The following PCDHA8 variants were observed in gnomAD, a reference collection of about 807,000 sequenced individuals.
PCDHA8 encodes the protein protocadherin alpha-8.
PCDHA8 carries 53 observed loss-of-function variants against 61.8 expected under a neutral mutation model. That is an observed-to-expected ratio of 0.86 (90% confidence interval 0.69 to 1.08). The LOEUF (loss-of-function observed/expected upper bound fraction) is 1.08, where lower values mean the gene tolerates loss of function less well. PCDHA8 is among the 50% of genes least tolerant of loss of function. The pLI is 0.00. For missense variants in PCDHA8, 1,293 were observed against 1,245.0 expected, an observed-to-expected ratio of 1.04 and a Z score of -0.58; for synonymous variants, 618 against 556.6, an observed-to-expected ratio of 1.11 and a Z score of -1.55.
intron 1 of PCDHA8, among the ~76,000 whole-genome samples, chr5:140,904,491 T>G (rs2071172626): frequency 6.6e-6 from 1 of 151,972 alleles, no homozygotes; most frequent in Non-Finnish European, 1.5e-5. Context: ...TGATTCCAAA[T>G]TTTTACAATT....
At chr5:140,918,982 G>C (rs1554198889) in intron 1 of PCDHA8, among the ~76,000 whole-genome samples, 1 of 152,188 alleles carries the variant, frequency 6.6e-6, no homozygotes, top group Non-Finnish European at 1.5e-5. Flanking sequence ...AGGTTAGTTG[G>C]TTTTTAGTGT....
chr5:140,881,909 G>T (rs941994896), intron 1 of PCDHA8: 6 of 230,500 alleles, frequency 2.6e-5, no homozygotes, highest in Non-Finnish European at 5.1e-5. Context: ...AATATAAAAT[G>T]TTGAGCAGAA....
At chr5:141,000,900 G>T (rs1020896392) in intron 3 of PCDHA8, among the ~76,000 whole-genome samples, 4 of 151,614 alleles carry the variant, frequency 2.6e-5, no homozygotes, top group African/African-American at 9.7e-5. Context: ...AGATATAGAC[G>T]CTGTCTCTAA....
chr5:140,930,092 A>G (rs1554207604), intron 1 of PCDHA8: 1 of 152,204 alleles, frequency 6.6e-6, no homozygotes, highest in East Asian at 1.9e-4. Context: ...ACATCTATTT[A>G]TACTGATAGG....
chr5:141,001,567 T>A (rs116015618), intron 3 of PCDHA8, among the ~76,000 whole-genome samples: 2 of 152,294 alleles, frequency 1.3e-5, no homozygotes, highest in African/African-American at 4.8e-5. Context: ...ACGATTCTCC[T>A]GTGTTTTGTG....
At chr5:141,006,105 GT>G (rs79904017) in intron 3 of PCDHA8, among the ~76,000 whole-genome samples, 172 of 143,342 alleles carry the variant, frequency 1.2e-3, no homozygotes, top group East Asian at 2.0e-3. Context: ...ATGGTAAGGA[GT>G]TTTTTTTTTT....
At chr5:140,994,733 C>G (rs2097647887) in intron 3 of PCDHA8, among the ~76,000 whole-genome samples, 1 of 152,034 alleles carries the variant, frequency 6.6e-6, no homozygotes, top group Non-Finnish European at 1.5e-5. Context: ...CTGGGTATTG[C>G]AGGATGGCAA....
chr5:140,869,432 T>C (rs1562628312), intron 1 of PCDHA8: 3 of 1,614,192 alleles, frequency 1.9e-6, no homozygotes, highest in Non-Finnish European at 2.5e-6. Context: ...GAGGTGATCG[T>C]GGACAGGCCG....
chr5:140,994,142 G>A (rs550428204), intron 3 of PCDHA8, among the ~76,000 whole-genome samples: 21 of 152,298 alleles, frequency 1.4e-4, no homozygotes, highest in South Asian at 4.1e-4. Context: ...AATGCCCTAC[G>A]TAGGTAGGGT....
intron 1 of PCDHA8, among the ~76,000 whole-genome samples, chr5:140,937,574 G>C (rs1320452651): frequency 1.3e-5 from 2 of 151,732 alleles, no homozygotes; most frequent in African/African-American, 4.9e-5. Context: ...CTGGGATCGC[G>C]TCACTGCACT....
intron 1 of PCDHA8, among the ~76,000 whole-genome samples, chr5:140,944,929 CT>C (rs2093712661): frequency 6.6e-6 from 1 of 152,052 alleles, no homozygotes; most frequent in Admixed American, 6.6e-5. Context: ...TGGTTTATGC[CT>C]TCTTTAGATG....
At chr5:140,871,062 C>T (rs1434880600) in intron 1 of PCDHA8, 2 of 1,613,102 alleles carry the variant, frequency 1.2e-6, no homozygotes, top group African/African-American at 2.7e-5. Context: ...TGAAGGATCA[C>T]GGTGAGCCGG....
At chr5:140,933,721 C>T (rs957167505) in intron 1 of PCDHA8, among the ~76,000 whole-genome samples, 1 of 151,982 alleles carries the variant, frequency 6.6e-6, no homozygotes, top group African/African-American at 2.4e-5. Flanking sequence ...ATTGGTGATA[C>T]AGCTTTCTTA....
chr5:141,005,701 C>CAAAAAAA (rs59860837), intron 3 of PCDHA8, among the ~76,000 whole-genome samples: 5 of 7,784 alleles, frequency 6.4e-4, no homozygotes, highest in African/African-American at 9.3e-4. Context: ...AACTCCGTCT[C>CAAAAAAA]AAAAAAAAAA....
intron 1 of PCDHA8, chr5:140,966,927 C>T (rs1434590204): frequency 1.2e-6 from 2 of 1,603,398 alleles, no homozygotes; most frequent in Admixed American, 1.7e-5. Flanking sequence ...GAGCAGGCAC[C>T]CGGCGCGCTC....
At chr5:140,962,585 T>C (rs2095694248) in intron 1 of PCDHA8, among the ~76,000 whole-genome samples, 1 of 152,216 alleles carries the variant, frequency 6.6e-6, no homozygotes, top group South Asian at 2.1e-4. Flanking sequence ...ATGCCAAATA[T>C]TTGACTGATA....
chr5:140,980,039 C>T (rs2096874436), intron 2 of PCDHA8, among the ~76,000 whole-genome samples: 1 of 152,184 alleles, frequency 6.6e-6, no homozygotes, highest in South Asian at 2.1e-4. Context: ...ACATTGGGTG[C>T]TATTTCTGAT....
rs2150330187 is a variant in PCDHA8 at position 140,842,137 on chromosome 5, A to C, written c.816A>C (p.Gly272=). 1.2e-6 allele frequency: 2 copies of C among 1,613,874 alleles called. No individual in the cohort carries two copies. The highest frequency in any genetic ancestry group is 2.2e-5 in the South Asian group (2 of 91,062). ...TGAATGCTTCTGATCCGGATGAAGG[A>C]GCCAATGGGGCAATTTCATATTCTT... ...IKLNASDPDE[G]ANGAISYSFN... Residue 272 remains glycine, a synonymous_variant, in exon 1 of 4, where the codon GGA becomes GGC. Transcript: ENST00000531613.
In PCDHA8 at chr5:141,010,893, A is replaced by G. The variant is rs76323061; in HGVS notation, c.*956A>G. On this transcript the variant is annotated 3_prime_UTR_variant, in exon 4 of 4. Transcript: ENST00000531613. ...TAAATCTTTAAAGAGAAATATGAAT[A>G]CAATTCCCCTAAACTCTCCTCAAAA... is the stretch of plus-strand genomic sequence containing the variant. 0.018 allele frequency: 2,808 copies of G among 153,906 alleles called. 48 individuals are homozygous for G. The highest frequency in any genetic ancestry group is 0.029 in the Non-Finnish European group (1,995 of 68,040). 9.5% of individuals were successfully genotyped at this position (153,906 alleles called of 1,614,324 possible).
Sources: allele counts gnomAD v4.1 joint callset (sites outside exome capture counted in the v4.1 genomes callset), GRCh38; gene constraint gnomAD v4.1.1; transcripts MANE v1.5; gene names NCBI Gene and HGNC (gene_info 2026-07-23, HGNC 2026-07-21).